Variants in SPEG observed in about 807,000 individuals in gnomAD.
SPEG encodes striated muscle enriched protein kinase, also known as striated muscle preferentially expressed protein kinase.
Under a neutral mutation model 300.4 loss-of-function variants are expected in SPEG, and 114 were observed. The ratio of observed to expected loss-of-function variants is 0.38; its 90% CI spans 0.33 to 0.44. SPEG has a LOEUF of 0.44. Among genes scored for constraint, SPEG ranks in the 20% least tolerant of loss-of-function variants. SPEG has a pLI of 1.00. For missense variants in SPEG, 4,201 were observed against 4,586.2 expected (o/e 0.92, Z 2.43); for synonymous variants, 1,964 against 2,018.9 (o/e 0.97, Z 0.73).
chr2:219,491,572 G>A (rs767712895), intron 38 of SPEG, among the ~76,000 whole-genome samples: 2 of 152,166 alleles, frequency 1.3e-5, no homozygotes, highest in Non-Finnish European at 2.9e-5. Context: ...TGGGGACCCC[G>A]CCATTTTGTG....
At chr2:219,487,200 A>G (rs1265243997) in intron 31 of SPEG, among the ~76,000 whole-genome samples, 2 of 152,188 alleles carry the variant, frequency 1.3e-5, no homozygotes, top group Middle Eastern at 3.4e-3. Flanking sequence ...TCAGGGCACT[A>G]AAGAGGCACA....
rs1693225034 is a variant in SPEG at position 219,484,776 on chromosome 2, G to C, written c.7313G>C (p.Ser2438Thr). The change falls in exon 30 of 41, where the codon AGC becomes ACC. Residue 2438 changes from serine (S) to threonine (T), a missense_variant. Ser to Thr is a moderately conservative substitution (Grantham distance 58). This residue lies in a region of SPEG where 1,578 missense variants were observed against 1,506.0 expected (regional missense o/e 1.05). Coordinates refer to ENST00000312358, the MANE Select transcript of SPEG (RefSeq NM_005876.5). ...GAGGCCCGCGGCGGGGACGGAGAGA[G>C]CTCGGAGGGCGGGAGCTCGGCGCGG... ...AWEARGGDGE[S>T]SEGGSSARGS... 4 of 1,467,374 alleles carry C rather than the reference G, an allele frequency of 2.7e-6. No individual in the cohort carries two copies. The Admixed American group carries it at 1.0e-4, about 37-fold the overall frequency. 90.9% of individuals were successfully genotyped at this position (1,467,374 alleles called of 1,614,324 possible).
In SPEG at chr2:219,484,583, C is replaced by A; in HGVS notation, c.7120C>A (p.Arg2374=). ...RGAEEEDGIY[R]PSPAGTPLEL... is the part of the protein sequence containing the mutation. ...GGCCGAGGAGGAGGATGGCATATAC[C>A]GGCCCAGCCCGGCGGGGACCCCGCT... The change falls in exon 30 of 41, where the codon CGG becomes AGG. Residue 2374 remains arginine, a synonymous_variant. Transcript: ENST00000312358. 1.9e-6 allele frequency: 3 copies of A among 1,573,662 alleles called. No individual in the cohort carries two copies. The highest frequency in any genetic ancestry group is 2.6e-6 in the Non-Finnish European group (3 of 1,164,110).
At position 219,489,787 on chromosome 2, in the gene SPEG, G is replaced by A; in HGVS notation, c.8769G>A (p.Glu2923=). The change falls in exon 36 of 41, where the codon GAG becomes GAA. Residue 2923 remains glutamate (E), a synonymous_variant. Coordinates refer to ENST00000312358, the MANE Select transcript of SPEG (RefSeq NM_005876.5). ...PEPPAPEPPP[E]PTKVTVQSLS... ...CCCCAGCCCCTGAGCCCCCTCCTGA[G>A]CCTACCAAGGTGACTGTGCAGAGCC... is the stretch of plus-strand genomic sequence containing the variant. 6.2e-7 allele frequency: 1 copy of A among 1,613,672 alleles called. No individual in the cohort carries two copies. The highest frequency in any genetic ancestry group is 8.5e-7 in the Non-Finnish European group (1 of 1,179,962).
In SPEG at chr2:219,443,829, G is replaced by A. The variant is rs778036263; in HGVS notation, c.389-824G>A. On this transcript the variant is annotated intron_variant, in intron 1 of 40. Coordinates refer to ENST00000312358, the MANE Select transcript of SPEG (RefSeq NM_005876.5). The surrounding 1 kb of genome is among the most constrained non-coding windows in gnomAD (Gnocchi z 4.6). ...GGATACCAGAACCACTGGGGCAGCT[G>A]GAATAACAAGCCCAAGTATGGGGGT... 83 of 386,756 alleles carry A rather than the reference G, an allele frequency of 2.1e-4. No homozygotes were observed. The highest frequency in any genetic ancestry group is 1.5e-4 in the Admixed American group (5 of 33,226). 24.0% of individuals were successfully genotyped at this position (386,756 alleles called of 1,614,324 possible). A position where few individuals can be genotyped will look rare whatever the true frequency, so the allele number is the denominator to read the frequency against.
intron 6 of SPEG, chr2:219,460,982 G>A: frequency 3.0e-6 from 3 of 985,704 alleles, no homozygotes; most frequent in Non-Finnish European, 3.6e-6. Context: ...TGGGGTCTGT[G>A]TGCAGAGCCT....
In SPEG at chr2:219,458,396, C is replaced by CT. The variant is rs201199933; in HGVS notation, c.2441-3473dup. 0.027 allele frequency among the ~76,000 whole-genome samples: 3,893 copies of CT among 145,132 alleles called. 143 individuals carry two copies. The highest frequency in any genetic ancestry group is 0.087 in the African/African-American group (3,486 of 39,876). On this transcript the variant is annotated intron_variant, in intron 6 of 40. Coordinates refer to ENST00000312358, the MANE Select transcript of SPEG (RefSeq NM_005876.5). This position sits in a 1 kb window ranked among gnomAD's most constrained non-coding sequence, Gnocchi z 4.2. ...TGAGTATGTGTTAGAAATGCAGTTT[C>CT]TTTTTTTTTTTTTCCCAATAAGCGT...
In SPEG at chr2:219,477,216, C is replaced by CGGGGCCTGGTTCAGCGGCT; in HGVS notation, c.4561-61_4561-60insGGGGCCTGGTTCAGCGGCT. ...GCGCTGCCCAGAGTAGGAGATGAGGCCCTGGCCCCAAGGTAGAGATGAGGC... is the reference window on the plus strand; with the variant it reads ...GCGCTGCCCAGAGTAGGAGATGAGGCGGGGCCTGGTTCAGCGGCTCCTGGCCCCAAGGTAGAGATGAGGC... On this transcript the variant is annotated intron_variant, in intron 19 of 40. Coordinates refer to ENST00000312358, the MANE Select transcript of SPEG (RefSeq NM_005876.5). This position sits in a 1 kb window ranked among gnomAD's most constrained non-coding sequence, Gnocchi z 6.4. 6.8e-7 allele frequency: 1 copy of CGGGGCCTGGTTCAGCGGCT among 1,467,326 alleles called. No individual in the cohort carries two copies. The highest frequency in any genetic ancestry group is 9.2e-7 in the Non-Finnish European group (1 of 1,088,648). The allele number at this position is 1,467,326 out of a possible 1,614,324, so 90.9% of individuals were successfully genotyped here.
chr2:219,445,269 C>T lies in SPEG; in HGVS notation c.815+108C>T. ...ACCCATCACCCTGCCCCATCCATCT[C>T]TCTGTGCATTTCTTCACCCCCTGCT... On this transcript the variant is annotated intron_variant, in intron 3 of 40. Coordinates refer to ENST00000312358, the MANE Select transcript of SPEG (RefSeq NM_005876.5). The surrounding 1 kb of genome is among the most constrained non-coding windows in gnomAD (Gnocchi z 6.1). The T allele has an allele frequency of 9.2e-7, 1 of 1,083,882 alleles. No homozygotes were observed. Among genetic ancestry groups the T allele is most frequent in the Non-Finnish European group, 1.4e-6 (1 of 731,310 alleles). The allele number at this position is 1,083,882 out of a possible 1,614,324, so 67.1% of individuals were successfully genotyped here. A position where few individuals can be genotyped will look rare whatever the true frequency, so the allele number is the denominator to read the frequency against.
intron 15 of SPEG, among the ~76,000 whole-genome samples, chr2:219,472,540 A>T (rs1460509548): frequency 6.6e-6 from 1 of 152,146 alleles, no homozygotes; most frequent in Non-Finnish European, 1.5e-5. Context: ...GCACTGCCAC[A>T]TTCCCTTCCC....
rs112360369 is a variant in SPEG, at chr2:219,492,321, A to G, written c.9611+61A>G. On this transcript the variant is annotated intron_variant, in intron 40 of 40. Transcript: ENST00000312358. ...ACCTGCCCCTGGCCTGGCCTGTGCC[A>G]GAGATCTCCCAGCTCCTCCCCTGCT... The G allele has an allele frequency of 1.5e-3, 2,382 of 1,546,384 alleles. 17 individuals carry two copies. The highest frequency in any genetic ancestry group is 0.013 in the African/African-American group (959 of 73,372).
chr2:219,484,809 C>A lies in SPEG; in HGVS notation c.7346C>A (p.Pro2449Gln). 1 of 1,490,004 alleles carries A rather than the reference C, an allele frequency of 6.7e-7. No homozygotes were observed. Among genetic ancestry groups the A allele is most frequent in the Non-Finnish European group, 8.9e-7 (1 of 1,128,830 alleles). 92.3% of individuals were successfully genotyped at this position (1,490,004 alleles called of 1,614,324 possible). Reference protein sequence around the residue: ...SEGGSSARGSPVLAMRRRLSF... With the variant: ...SEGGSSARGSQVLAMRRRLSF... ...GGCGGGAGCTCGGCGCGGGGCTCCC[C>A]GGTGCTGGCGATGCGCAGGCGGCTG... Residue 2449 changes from proline to glutamine, a missense_variant, in exon 30 of 41, where the codon CCG (proline) becomes CAG (glutamine). Around this residue, in one of 4 missense-constraint regions of SPEG, gnomAD observed 1,578 missense variants for 1,506.0 expected, o/e 1.05. Transcript: ENST00000312358.
In SPEG at chr2:219,448,821, C is replaced by A. The variant is rs1689516922; in HGVS notation, c.1663C>A (p.Pro555Thr). The A allele has an allele frequency of 4.3e-6, 6 of 1,401,100 alleles. No individual in the cohort carries two copies. The East Asian group carries it at 1.8e-4, about 42-fold the overall frequency. The allele number at this position is 1,401,100 out of a possible 1,614,324, so 86.8% of individuals were successfully genotyped here. ...SRAVSPAAAQ[P>T]PSPSSAEKPG... The stretch of plus-strand genomic sequence containing the variant: ...GGCCGTGAGCCCCGCCGCCGCCCAG[C>A]CGCCCTCTCCGAGCAGCGCGGAGAA... The change falls in exon 4 of 41, where the codon CCG becomes ACG. Residue 555 changes from proline to threonine, a missense_variant. Physicochemically the swap from Pro to Thr is conservative, Grantham distance 38. Around this residue, in one of 4 missense-constraint regions of SPEG, gnomAD observed 1,258 missense variants for 1,293.9 expected, o/e 0.97. Transcript: ENST00000312358.
chr2:219,463,871 C>T (rs1254206152), intron 8 of SPEG, among the ~76,000 whole-genome samples: 2 of 151,958 alleles, frequency 1.3e-5, no homozygotes, highest in African/African-American at 4.8e-5. Flanking sequence ...TCTGTAATCC[C>T]AGCACTTTGG....
chr2:219,444,758 G>A lies in SPEG; in HGVS notation c.478+16G>A. The A allele has an allele frequency of 6.2e-7, 1 of 1,613,384 alleles. No homozygotes were observed. The highest frequency in any genetic ancestry group is 8.5e-7 in the Non-Finnish European group (1 of 1,179,618). ...ACCCCCACGGGTGAGCTCCTGGGGTGTACAAAGAGCAGGCAGGCGGGTTTT... is the reference window on the plus strand; with the variant it reads ...ACCCCCACGGGTGAGCTCCTGGGGTATACAAAGAGCAGGCAGGCGGGTTTT... On this transcript the variant is annotated intron_variant, in intron 2 of 40. Transcript: ENST00000312358. The surrounding 1 kb of genome is among the most constrained non-coding windows in gnomAD (Gnocchi z 7.8).
chr2:219,472,744 A>G, intron 15 of SPEG, 146 bp from the exon 16 acceptor site: 1 of 651,006 alleles, frequency 1.5e-6, no homozygotes, highest in Non-Finnish European at 2.6e-6. Context: ...GCAAGAGCAG[A>G]TGGGGGGACA....
At position 219,483,297 on chromosome 2, in the gene SPEG, G is replaced by A. The variant is rs757985202; in HGVS notation, c.5834G>A (p.Gly1945Asp). 1.2e-6 allele frequency: 2 copies of A among 1,606,434 alleles called. No homozygotes were observed. The highest frequency in any genetic ancestry group is 1.1e-5 in the South Asian group (1 of 90,106). ...CGCCCACTGCAGCCCGAGTTCTCTG[G>A]CTCCCGGGTGTCCCTCACAGACATT... ...VPRPLQPEFSGSRVSLTDIPT... is the reference protein window; with the variant it reads ...VPRPLQPEFSDSRVSLTDIPT... Residue 1945 changes from glycine (G) to aspartate (D), a missense_variant, in exon 30 of 41, where the codon GGC becomes GAC. Transcript: ENST00000312358.
In SPEG at chr2:219,471,984, ACAGGTGAGGCAGGCACC is replaced by A; in HGVS notation, c.3834_3835+15del. The A allele has an allele frequency of 6.2e-7, 1 of 1,612,088 alleles. No homozygotes were observed. The highest frequency in any genetic ancestry group is 8.5e-7 in the Non-Finnish European group (1 of 1,179,948). The stretch of plus-strand genomic sequence containing the variant: ...TGCCTGCTATGCCCACCTGTATGTC[ACAGGTGAGGCAGGCACC>A]CTCGTGGTCAGCTGCACGCACAGCC... On this transcript the variant is annotated splice_donor_variant and splice_donor_5th_base_variant and coding_sequence_variant and intron_variant, in exon 14 of 41. Transcript: ENST00000312358. LOFTEE classifies it high-confidence loss of function.
rs1692874252 is a variant in SPEG at position 219,481,832 on chromosome 2, G to A, written c.5565+152G>A. 2.7e-6 allele frequency: 2 copies of A among 752,830 alleles called. No homozygotes were observed. Among genetic ancestry groups the A allele is most frequent in the Non-Finnish European group, 4.7e-6 (2 of 427,536 alleles). 46.6% of individuals were successfully genotyped at this position (752,830 alleles called of 1,614,324 possible). On this transcript the variant is annotated intron_variant, in intron 28 of 40. Transcript: ENST00000312358. The surrounding 1 kb of genome is among the most constrained non-coding windows in gnomAD (Gnocchi z 5.4). ...TTAGCCTCACAATAGCTTTGCAAAG[G>A]AAGGCATTATTAGTCCCATTTTGTT...
Sources: allele counts gnomAD v4.1 joint callset (sites outside exome capture counted in the v4.1 genomes callset), GRCh38; gene constraint gnomAD v4.1.1; regional missense constraint gnomAD v4.1.1; non-coding constraint Gnocchi (gnomAD v3.1); transcripts MANE v1.5; gene names NCBI Gene and HGNC (gene_info 2026-07-23, HGNC 2026-07-21).